Variants in ITGA8 observed in about 807,000 individuals in gnomAD.
ITGA8 encodes integrin alpha-8.
A neutral mutation model predicts 142.3 loss-of-function variants in ITGA8; 91 were observed. The observed-to-expected ratio is 0.64, with a 90% CI of 0.54 to 0.76. The LOEUF (loss-of-function observed/expected upper bound fraction) is 0.76, where lower values mean the gene tolerates loss of function less well. ITGA8 is among the 30% of genes least tolerant of loss of function. The pLI is 0.00. For synonymous variants in ITGA8, 505 were observed against 485.2 expected, an observed-to-expected ratio of 1.04 and a Z score of -0.54; for missense variants, 1,406 against 1,327.7, an observed-to-expected ratio of 1.06 and a Z score of -0.92.
intron 2 of ITGA8, among the ~76,000 whole-genome samples, chr10:15,715,789 A>T (rs144606807): frequency 2.0e-5 from 3 of 152,270 alleles, no homozygotes; most frequent in Non-Finnish European, 2.9e-5. Context: ...CTACACTGGC[A>T]TCTGCTGTGC....
Position 15,558,061 on chromosome 10 carries a change from T to C in ITGA8, c.2766+13A>G. 1 of 1,613,662 alleles carries C rather than the reference T, an allele frequency of 6.2e-7. No individual in the cohort carries two copies. The highest frequency in any genetic ancestry group is 8.5e-7 in the Non-Finnish European group (1 of 1,179,992). On this transcript the variant is annotated intron_variant, in intron 26 of 29. Coordinates refer to ENST00000378076, the MANE Select transcript of ITGA8 (RefSeq NM_003638.3). ...TCATTTCCCTCAGTTCTATGCACAC[T>C]GGGATAACTCACCAGTATTTTTGCA... is the stretch of plus-strand genomic sequence containing the variant.
intron 2 of ITGA8, among the ~76,000 whole-genome samples, chr10:15,709,620 C>T (rs1011297654): frequency 6.6e-6 from 1 of 152,166 alleles, no homozygotes; most frequent in Admixed American, 6.5e-5. Context: ...TATGGTCACT[C>T]TTGATTTCTT....
intron 13 of ITGA8, among the ~76,000 whole-genome samples, chr10:15,630,370 G>A (rs906861187): frequency 3.3e-5 from 5 of 151,932 alleles, no homozygotes; most frequent in African/African-American, 4.8e-5. Flanking sequence ...AACAAATATC[G>A]ACAAGTTGCC....
intron 7 of ITGA8, among the ~76,000 whole-genome samples, chr10:15,672,332 C>G (rs182033311): frequency 6.6e-6 from 1 of 152,320 alleles, no homozygotes; most frequent in African/African-American, 2.4e-5. Flanking sequence ...CATCCTGTCC[C>G]TGTCACACTG....
At chr10:15,674,243 C>T (rs906938101) in intron 6 of ITGA8, among the ~76,000 whole-genome samples, 4 of 152,202 alleles carry the variant, frequency 2.6e-5, no homozygotes, top group Non-Finnish European at 5.9e-5. Flanking sequence ...CAGCTAAATA[C>T]CCTCTTTCCT....
intron 22 of ITGA8, among the ~76,000 whole-genome samples, chr10:15,589,982 C>T (rs1459274630): frequency 6.6e-6 from 1 of 152,104 alleles, no homozygotes; most frequent in Non-Finnish European, 1.5e-5. Context: ...AGGCTGGTCT[C>T]GAACTCCTGA....
At chr10:15,649,935 C>T (rs1834055925) in intron 11 of ITGA8, among the ~76,000 whole-genome samples, 1 of 152,182 alleles carries the variant, frequency 6.6e-6, no homozygotes, top group Admixed American at 6.5e-5. Flanking sequence ...CAAAATTACA[C>T]TCCTTGGCAG....
chr10:15,644,954 G>A (rs574526753), intron 12 of ITGA8, among the ~76,000 whole-genome samples: 51 of 151,320 alleles, frequency 3.4e-4, no homozygotes, highest in African/African-American at 1.2e-3. Flanking sequence ...TTAGCCTGGC[G>A]TAGTGGCGGG....
Position 15,566,095 on chromosome 10 carries a change from C to T in ITGA8, c.2637+6116G>A, listed in dbSNP as rs570360014. On this transcript the variant is annotated intron_variant, in intron 25 of 29. Transcript: ENST00000378076. ...TGCAAATTTGCCAAGCCACTGTCTGCGGGCCCACTCATTCTAAAACATAAC... is the reference window on the plus strand; with the variant it reads ...TGCAAATTTGCCAAGCCACTGTCTGTGGGCCCACTCATTCTAAAACATAAC... 2.2e-4 allele frequency among the ~76,000 whole-genome samples: 33 copies of T among 152,232 alleles called. No individual in the cohort carries two copies. In the East Asian group the frequency reaches 5.0e-3, roughly 23 times the overall value.
At chr10:15,691,665 G>A (rs1834936789) in intron 2 of ITGA8, among the ~76,000 whole-genome samples, 1 of 152,162 alleles carries the variant, frequency 6.6e-6, no homozygotes. Context: ...GCTCATAGAA[G>A]CAAACAGTAG....
At chr10:15,522,875 G>T (rs576677974) in intron 28 of ITGA8, among the ~76,000 whole-genome samples, 1 of 152,270 alleles carries the variant, frequency 6.6e-6, no homozygotes, top group Non-Finnish European at 1.5e-5. Flanking sequence ...AGCTAGGCAT[G>T]GTGGCAGACA....
intron 23 of ITGA8, among the ~76,000 whole-genome samples, chr10:15,577,697 A>G (rs1436285331): frequency 1.3e-5 from 2 of 152,152 alleles, no homozygotes; most frequent in East Asian, 1.9e-4. Flanking sequence ...AACAGTGTTC[A>G]TGGTTTTCAA....
chr10:15,545,690 T>G (rs1006172169), intron 27 of ITGA8, among the ~76,000 whole-genome samples: 110 of 152,186 alleles, frequency 7.2e-4, no homozygotes, highest in Non-Finnish European at 1.3e-3. Context: ...GCCTGTTTTT[T>G]TTTTTAGCTT....
chr10:15,590,151 G>A (rs1297597397), intron 22 of ITGA8, among the ~76,000 whole-genome samples: 1 of 152,120 alleles, frequency 6.6e-6, no homozygotes. Context: ...CTGCATTTCT[G>A]CATCTTTATA....
chr10:15,559,103 G>T (rs1365801979), intron 25 of ITGA8, among the ~76,000 whole-genome samples: 1 of 152,180 alleles, frequency 6.6e-6, no homozygotes, highest in East Asian at 1.9e-4. Context: ...CATCACAAAA[G>T]ATGAAATGAG....
chr10:15,716,096 C>T (rs1835446025), intron 2 of ITGA8, among the ~76,000 whole-genome samples: 1 of 152,254 alleles, frequency 6.6e-6, no homozygotes, highest in Non-Finnish European at 1.5e-5. Flanking sequence ...TCACAGGTCA[C>T]AGCCTTGTTC....
Position 15,653,831 on chromosome 10 carries a change from CTT to C in ITGA8, c.1001+1521_1001+1522del, listed in dbSNP as rs111283505. On this transcript the variant is annotated intron_variant, in intron 11 of 29. Coordinates refer to ENST00000378076, the MANE Select transcript of ITGA8 (RefSeq NM_003638.3). ...TTGTGTGTTTTTTCTTTTCTTTTTTCTTTTTTTTTTTTTTCTTGTTTGAGACA... is the reference window on the plus strand; with the variant it reads ...TTGTGTGTTTTTTCTTTTCTTTTTTCTTTTTTTTTTTTCTTGTTTGAGACA... 3.4e-3 allele frequency among the ~76,000 whole-genome samples: 447 copies of C among 129,902 alleles called. 6 individuals carry two copies. The East Asian group carries it at 0.052, about 15-fold the overall frequency. 85.2% of individuals were successfully genotyped at this position (129,902 alleles called of 152,430 possible).
intron 2 of ITGA8, among the ~76,000 whole-genome samples, chr10:15,713,608 G>A (rs1051921405): frequency 1.3e-5 from 2 of 152,068 alleles, no homozygotes; most frequent in African/African-American, 4.8e-5. Context: ...CAAGACTTAT[G>A]CAGCCAATAT....
chr10:15,656,211 C>T (rs912244618), intron 10 of ITGA8, among the ~76,000 whole-genome samples: 16 of 152,178 alleles, frequency 1.1e-4, no homozygotes, highest in African/African-American at 2.7e-4. Flanking sequence ...GTAAGATTTA[C>T]GCTTCCTGCT....
Sources: gnomAD v4.1 joint callset for allele counts (sites outside exome capture counted in the v4.1 genomes callset) on GRCh38, gnomAD v4.1.1 for gene constraint, MANE v1.5 for transcripts, NCBI Gene and HGNC (gene_info 2026-07-23, HGNC 2026-07-21) for gene names.